Variants in LDLRAD4 observed in about 807,000 individuals in gnomAD.
LDLRAD4 encodes low density lipoprotein receptor class A domain containing 4, also known as low-density lipoprotein receptor class A domain-containing protein 4.
Under a neutral mutation model 17.0 loss-of-function variants are expected in LDLRAD4, and 5 were observed. That is an observed-to-expected ratio of 0.29 (90% confidence interval 0.15 to 0.62). LDLRAD4 has a LOEUF of 0.62. Ranked by LOEUF, LDLRAD4 falls within the 20% of genes least tolerant of loss-of-function variation. LDLRAD4 has a pLI of 0.84. For missense variants in LDLRAD4, 340 were observed against 424.7 expected, an observed-to-expected ratio of 0.80 and a Z score of 1.75; for synonymous variants, 168 against 171.8, an observed-to-expected ratio of 0.98 and a Z score of 0.17.
At chr18:13,248,724 T>G (rs2043089175) in intron 1 of LDLRAD4, among the ~76,000 whole-genome samples, 1 of 152,222 alleles carries the variant, frequency 6.6e-6, no homozygotes, top group Admixed American at 6.5e-5. Flanking sequence ...AATTAGCATC[T>G]CCATCATCTC....
Position 13,640,449 on chromosome 18 carries a change from G to A in LDLRAD4, c.337-2910G>A, listed in dbSNP as rs77465682. ...TCCCATCTCCAGGCCATCCCGTCTG[G>A]CAGATGTCCCAAGGCAGGAATGGCC... On this transcript the variant is annotated intron_variant, in intron 4 of 5. Transcript: ENST00000359446. Among the ~76,000 whole-genome samples, 377 of 152,316 alleles carry A rather than the reference G, an allele frequency of 2.5e-3. 3 individuals carry two copies. Among genetic ancestry groups the A allele is most frequent in the East Asian group, 0.02 (104 of 5,192 alleles).
intron 3 of LDLRAD4, among the ~76,000 whole-genome samples, chr18:13,483,675 A>G (rs753397873): frequency 6.6e-6 from 1 of 152,154 alleles, no homozygotes; most frequent in African/African-American, 2.4e-5. Flanking sequence ...GTGTTGTATC[A>G]TTTAATCTTC....
At chr18:13,606,959 T>C (rs1298801052) in intron 3 of LDLRAD4, among the ~76,000 whole-genome samples, 1 of 152,238 alleles carries the variant, frequency 6.6e-6, no homozygotes, top group Non-Finnish European at 1.5e-5. Flanking sequence ...TAGAATCTTT[T>C]ACATGGATTT....
intron 1 of LDLRAD4, among the ~76,000 whole-genome samples, chr18:13,384,626 A>T (rs1345546713): frequency 6.6e-6 from 1 of 151,876 alleles, no homozygotes; most frequent in Non-Finnish European, 1.5e-5. Flanking sequence ...TGTGAGATTG[A>T]CTCTTTCAGA....
At chr18:13,247,093 T>G (rs1272714220) in intron 1 of LDLRAD4, among the ~76,000 whole-genome samples, 3 of 152,202 alleles carry the variant, frequency 2.0e-5, no homozygotes, top group Non-Finnish European at 4.4e-5. Flanking sequence ...AGATAATCTT[T>G]TAAATTCCAA....
chr18:13,247,765 A>G (rs899574591), intron 1 of LDLRAD4, among the ~76,000 whole-genome samples: 13 of 152,206 alleles, frequency 8.5e-5, no homozygotes, highest in African/African-American at 1.7e-4. Flanking sequence ...CAGGGTTGCT[A>G]CTGTAAGCGC....
chr18:13,302,368 G>A (rs185269906), intron 1 of LDLRAD4, among the ~76,000 whole-genome samples: 292 of 152,326 alleles, frequency 1.9e-3, no homozygotes, highest in African/African-American at 6.5e-3. Context: ...GCAGCTCTGT[G>A]CAGGGGAGTA....
At chr18:13,550,794 G>A (rs1366353704) in intron 3 of LDLRAD4, among the ~76,000 whole-genome samples, 2 of 152,152 alleles carry the variant, frequency 1.3e-5, no homozygotes, top group East Asian at 1.9e-4. Context: ...TCCGAGTCCC[G>A]CTGTGAGTGG....
At chr18:13,282,285 A>C (rs1246727750) in intron 1 of LDLRAD4, among the ~76,000 whole-genome samples, 1 of 152,138 alleles carries the variant, frequency 6.6e-6, no homozygotes, top group South Asian at 2.1e-4. Context: ...TGCCTTCCCA[A>C]TAGTCCCCCA....
rs558782811 is a variant in LDLRAD4 at position 13,247,586 on chromosome 18, C to T, written c.-467+28598C>T. On this transcript the variant is annotated intron_variant, in intron 1 of 5. Transcript: ENST00000399848. The stretch of plus-strand genomic sequence containing the variant: ...AGAGCATGCTAGTAGGTCCAGTTGA[C>T]GGCCGCCCATTTTCAGCCATGTTCC... 6.2e-4 allele frequency among the ~76,000 whole-genome samples: 95 copies of T among 152,256 alleles called. No individual in the cohort carries two copies. The South Asian group carries it at 6.6e-3, about 11-fold the overall frequency.
intron 1 of LDLRAD4, among the ~76,000 whole-genome samples, chr18:13,326,793 G>T (rs1437218210): frequency 2.6e-4 from 39 of 151,602 alleles, no homozygotes; most frequent in Admixed American, 2.6e-3. Context: ...TTGTGAGATG[G>T]AGTCTCGCTC....
intron 1 of LDLRAD4, among the ~76,000 whole-genome samples, chr18:13,225,416 C>T (rs2041729760): frequency 1.3e-5 from 2 of 152,224 alleles, no homozygotes; most frequent in Non-Finnish European, 2.9e-5. Flanking sequence ...TACCAGGTGT[C>T]CCACATGTTG....
intron 2 of LDLRAD4, among the ~76,000 whole-genome samples, chr18:13,402,538 A>G (rs188038476): frequency 1.7e-4 from 26 of 152,366 alleles, no homozygotes; most frequent in Admixed American, 9.1e-4. Flanking sequence ...AGTGAAAAAC[A>G]TTACATCTTT....
intron 3 of LDLRAD4, chr18:13,483,946 AG>A (rs2093158125): frequency 6.6e-6 from 1 of 152,636 alleles, no homozygotes; most frequent in Non-Finnish European, 1.5e-5. Context: ...TCACAGCTCA[AG>A]ACCCCTGGGC....
At chr18:13,330,134 A>AT (rs2081773088) in intron 1 of LDLRAD4, among the ~76,000 whole-genome samples, 1 of 151,738 alleles carries the variant, frequency 6.6e-6, no homozygotes, top group Non-Finnish European at 1.5e-5. Flanking sequence ...TTTTAAAAAT[A>AT]TTTTTTAGTA....
At chr18:13,397,727 C>T (rs940529984) in intron 2 of LDLRAD4, among the ~76,000 whole-genome samples, 1 of 152,184 alleles carries the variant, frequency 6.6e-6, no homozygotes, top group African/African-American at 2.4e-5. Flanking sequence ...TGCCCCAGGA[C>T]GACAAAGCAC....
intron 1 of LDLRAD4, among the ~76,000 whole-genome samples, chr18:13,293,322 CTG>C (rs1441423163): frequency 6.6e-6 from 1 of 152,180 alleles, no homozygotes. Flanking sequence ...AGCCAATCTC[CTG>C]TGTGAGTGTG....
At chr18:13,294,387 A>G (rs2046152276) in intron 1 of LDLRAD4, among the ~76,000 whole-genome samples, 1 of 152,288 alleles carries the variant, frequency 6.6e-6, no homozygotes, top group East Asian at 1.9e-4. Flanking sequence ...AGGCTTAATC[A>G]CTCGACCTGA....
chr18:13,335,796 G>C (rs980622357), intron 1 of LDLRAD4, among the ~76,000 whole-genome samples: 3 of 152,148 alleles, frequency 2.0e-5, no homozygotes, highest in African/African-American at 7.2e-5. Context: ...TGGATTTGTG[G>C]CATAGAGTAT....
Sources: gnomAD v4.1 joint callset for allele counts (sites outside exome capture counted in the v4.1 genomes callset) on GRCh38, gnomAD v4.1.1 for gene constraint, MANE v1.5 for transcripts, NCBI Gene and HGNC (gene_info 2026-07-23, HGNC 2026-07-21) for gene names.